Variants in TBC1D19 observed in about 807,000 individuals in gnomAD.
The protein encoded by TBC1D19 is TBC1 domain family member 19.
A neutral mutation model predicts 89.0 loss-of-function variants in TBC1D19; 60 were observed. The observed-to-expected ratio is 0.67, with a 90% CI of 0.55 to 0.84. The LOEUF is 0.84. Ranked by LOEUF, TBC1D19 falls within the 40% of genes least tolerant of loss-of-function variation. TBC1D19 has a pLI of 0.00. For synonymous variants in TBC1D19, 189 were observed against 199.7 expected (o/e 0.95, Z 0.45); for missense variants, 500 against 610.8 (o/e 0.82, Z 1.91).
chr4:26,674,171 A>G (rs1712586818), intron 11 of TBC1D19, among the ~76,000 whole-genome samples: 2 of 152,100 alleles, frequency 1.3e-5, no homozygotes, highest in Admixed American at 6.6e-5. Flanking sequence ...GAGACTGACA[A>G]TTTAGATCTG....
chr4:26,734,934 G>GTATA (rs1670108875), intron 15 of TBC1D19, among the ~76,000 whole-genome samples: 4 of 118,056 alleles, frequency 3.4e-5, no homozygotes, highest in African/African-American at 1.3e-4. Flanking sequence ...ACATATATGT[G>GTATA]TGTATATATG....
At chr4:26,611,200 A>T (rs1741360485) in intron 1 of TBC1D19, among the ~76,000 whole-genome samples, 1 of 152,116 alleles carries the variant, frequency 6.6e-6, no homozygotes, top group Non-Finnish European at 1.5e-5. Context: ...GTGATTAGTG[A>T]CATTGAGTAT....
intron 13 of TBC1D19, among the ~76,000 whole-genome samples, chr4:26,706,593 A>AT (rs1715754736): frequency 6.6e-6 from 1 of 151,820 alleles, no homozygotes; most frequent in South Asian, 2.1e-4. Flanking sequence ...TAGTTTGCCC[A>AT]TTTTTTCCAG....
chr4:26,767,278 A>G, the TBC1D19 span, among the ~76,000 whole-genome samples: 4 of 152,224 alleles, frequency 2.6e-5, no homozygotes, highest in Non-Finnish European at 5.9e-5. Context: ...AATTCCTGCA[A>G]TAAACAACCT....
chr4:26,642,777 A>C (rs780449982), intron 7 of TBC1D19, among the ~76,000 whole-genome samples: 1 of 152,164 alleles, frequency 6.6e-6, no homozygotes, highest in Non-Finnish European at 1.5e-5. Flanking sequence ...CAGGAGTTAC[A>C]ATCCTAGTCT....
chr4:26,656,850 C>T lies in TBC1D19; in HGVS notation c.481-2747C>T, dbSNP rs558728323. Among the ~76,000 whole-genome samples the T allele has an allele frequency of 8.4e-4, 128 of 152,172 alleles. 1 individual carries two copies. The highest frequency in any genetic ancestry group is 2.8e-3 in the African/African-American group (115 of 41,536). On this transcript the variant is annotated intron_variant, in intron 7 of 20. Coordinates refer to ENST00000264866, the MANE Select transcript of TBC1D19 (RefSeq NM_018317.4). The stretch of plus-strand genomic sequence containing the variant: ...CTGGGATTACAGGCATGAGCTGCTG[C>T]GCCCAGACACTTATTTTTGAAAATT...
intron 13 of TBC1D19, among the ~76,000 whole-genome samples, chr4:26,692,311 C>T (rs1489490263): frequency 6.6e-6 from 1 of 152,166 alleles, no homozygotes; most frequent in African/African-American, 2.4e-5. Flanking sequence ...TCCCATAGGG[C>T]AGAGATCTGG....
At chr4:26,774,623 T>C in the TBC1D19 span, among the ~76,000 whole-genome samples, 8 of 152,232 alleles carry the variant, frequency 5.3e-5, no homozygotes, top group Non-Finnish European at 1.2e-4. Context: ...AGAAATACAA[T>C]TGATTTTTGT....
At chr4:26,732,958 T>TG (rs1285587079) in intron 15 of TBC1D19, among the ~76,000 whole-genome samples, 4 of 152,212 alleles carry the variant, frequency 2.6e-5, no homozygotes, top group African/African-American at 9.7e-5. Flanking sequence ...AATTCAGTGT[T>TG]AAACACTTGA....
At chr4:26,683,074 A>G (rs1203498061) in intron 11 of TBC1D19, among the ~76,000 whole-genome samples, 1 of 152,144 alleles carries the variant, frequency 6.6e-6, no homozygotes, top group Non-Finnish European at 1.5e-5. Context: ...CTAATATTAA[A>G]AGCTGACTTT....
chr4:26,607,609 T>A (rs1044409427), intron 1 of TBC1D19, among the ~76,000 whole-genome samples: 1 of 152,198 alleles, frequency 6.6e-6, no homozygotes, highest in Non-Finnish European at 1.5e-5. Context: ...CTGTGTTCTA[T>A]TATACCTAAG....
At chr4:26,692,748 G>T (rs1026017589) in intron 13 of TBC1D19, among the ~76,000 whole-genome samples, 1 of 152,212 alleles carries the variant, frequency 6.6e-6, no homozygotes, top group South Asian at 2.1e-4. Context: ...TAACTAGGAG[G>T]AGTCCTGATG....
intron 1 of TBC1D19, among the ~76,000 whole-genome samples, chr4:26,577,302 CGTGT>C (rs940827907): frequency 3.4e-5 from 5 of 148,988 alleles, no homozygotes; most frequent in Non-Finnish European, 7.5e-5. Flanking sequence ...TGTGTGTGTG[CGTGT>C]GTGTGTGTCT....
chr4:26,644,963 G>C (rs987791989), intron 7 of TBC1D19, among the ~76,000 whole-genome samples: 10 of 152,072 alleles, frequency 6.6e-5, no homozygotes, highest in Non-Finnish European at 1.5e-4. Context: ...CTCATGGATA[G>C]GAAGAATCAA....
chr4:26,835,010 G>A, the TBC1D19 span, among the ~76,000 whole-genome samples: 22 of 152,146 alleles, frequency 1.4e-4, no homozygotes, highest in Non-Finnish European at 2.8e-4. Context: ...GCAGAATAAT[G>A]GCCTCCAAAG....
intron 1 of TBC1D19, among the ~76,000 whole-genome samples, chr4:26,603,807 A>G (rs1194429301): frequency 6.6e-6 from 1 of 152,224 alleles, no homozygotes; most frequent in Non-Finnish European, 1.5e-5. Flanking sequence ...TTGTGGTAAA[A>G]TATACATAAC....
intron 13 of TBC1D19, among the ~76,000 whole-genome samples, chr4:26,715,724 A>G (rs1036509336): frequency 1.3e-5 from 2 of 152,032 alleles, no homozygotes; most frequent in Non-Finnish European, 2.9e-5. Context: ...TGACCTTGAT[A>G]TTTGAGCAAA....
At chr4:26,578,279 A>G (rs1445076328) in intron 1 of TBC1D19, among the ~76,000 whole-genome samples, 1 of 152,174 alleles carries the variant, frequency 6.6e-6, no homozygotes, top group East Asian at 1.9e-4. Context: ...TTCCAGGCCT[A>G]TAACTTGATC....
At chr4:26,648,914 A>T (rs1407648263) in intron 7 of TBC1D19, among the ~76,000 whole-genome samples, 1 of 151,986 alleles carries the variant, frequency 6.6e-6, no homozygotes, top group African/African-American at 2.4e-5. Context: ...TTGATCTTTT[A>T]TTACTCATGC....
Sources: allele counts gnomAD v4.1 joint callset (sites outside exome capture counted in the v4.1 genomes callset), GRCh38; gene constraint gnomAD v4.1.1; transcripts MANE v1.5; gene names NCBI Gene and HGNC (gene_info 2026-07-23, HGNC 2026-07-21).